The following CPXM2 variants were observed in gnomAD, a reference collection of about 807,000 sequenced individuals.
The protein encoded by CPXM2 is carboxypeptidase X, M14 family member 2.
CPXM2 carries 66 observed loss-of-function variants against 86.1 expected under a neutral mutation model. The observed-to-expected ratio is 0.77, with a 90% CI of 0.63 to 0.94. CPXM2 has a LOEUF of 0.94. Ranked by LOEUF, CPXM2 falls within the 40% of genes least tolerant of loss-of-function variation. The pLI, the probability that CPXM2 is intolerant of heterozygous loss-of-function variation, is 0.00. For synonymous variants in CPXM2, 388 were observed against 400.2 expected (o/e 0.97, Z 0.36); for missense variants, 948 against 1,026.3 (o/e 0.92, Z 1.04).
At chr10:123,751,614 C>T (rs1846078970) in intron 13 of CPXM2, 1 of 985,316 alleles carries the variant, frequency 1.0e-6, no homozygotes, top group Non-Finnish European at 1.2e-6. Context: ...GTCCAACATA[C>T]TGATATGCAT....
chr10:123,805,525 C>T (rs968943345), intron 4 of CPXM2, among the ~76,000 whole-genome samples: 3 of 151,724 alleles, frequency 2.0e-5, no homozygotes, highest in African/African-American at 7.3e-5. Flanking sequence ...TTTTTATTAC[C>T]GATTCCTAGT....
intron 3 of CPXM2, among the ~76,000 whole-genome samples, chr10:123,848,848 T>C (rs1300014421): frequency 2.0e-5 from 3 of 152,234 alleles, no homozygotes; most frequent in Admixed American, 6.5e-5. Context: ...GTTAGGTCAG[T>C]TGATCTATAA....
intron 4 of CPXM2, among the ~76,000 whole-genome samples, chr10:123,812,873 G>A (rs575799503): frequency 1.3e-4 from 20 of 151,858 alleles, no homozygotes; most frequent in African/African-American, 3.9e-4. Flanking sequence ...CCATGAAACC[G>A]GTCCCTGGTG....
At chr10:123,806,773 A>C (rs1847588216) in intron 4 of CPXM2, among the ~76,000 whole-genome samples, 1 of 152,126 alleles carries the variant, frequency 6.6e-6, no homozygotes, top group Non-Finnish European at 1.5e-5. Flanking sequence ...AGAAACTGCC[A>C]CTTATGAAAC....
At chr10:123,785,197 T>C (rs1389445348) in intron 6 of CPXM2, among the ~76,000 whole-genome samples, 2 of 152,222 alleles carry the variant, frequency 1.3e-5, no homozygotes, top group South Asian at 2.1e-4. Flanking sequence ...AATTCTTTAT[T>C]GAAGATGCCA....
At chr10:123,933,602 C>T (rs779672023) in intron 2 of CPXM2, among the ~76,000 whole-genome samples, 25 of 152,102 alleles carry the variant, frequency 1.6e-4, no homozygotes, top group Non-Finnish European at 2.8e-4. Flanking sequence ...CCTGTAATCC[C>T]AGCTACTTGG....
intron 2 of CPXM2, among the ~76,000 whole-genome samples, chr10:123,901,060 T>TA (rs1367814354): frequency 2.0e-5 from 3 of 152,234 alleles, no homozygotes; most frequent in African/African-American, 7.2e-5. Context: ...TGCAATGTAT[T>TA]AAAAGCATTT....
At chr10:123,812,078 G>C (rs1038313934) in intron 4 of CPXM2, among the ~76,000 whole-genome samples, 1 of 151,988 alleles carries the variant, frequency 6.6e-6, no homozygotes, top group African/African-American at 2.4e-5. Context: ...TATATCATGG[G>C]GACTGCTTTG....
chr10:123,780,860 G>A (rs1375246055), intron 6 of CPXM2, among the ~76,000 whole-genome samples: 1 of 152,152 alleles, frequency 6.6e-6, no homozygotes, highest in Non-Finnish European at 1.5e-5. Flanking sequence ...TCAGAACACA[G>A]CATCTACTGG....
At chr10:123,825,083 G>T (rs953367812) in intron 4 of CPXM2, among the ~76,000 whole-genome samples, 3 of 152,190 alleles carry the variant, frequency 2.0e-5, no homozygotes, top group Non-Finnish European at 4.4e-5. Flanking sequence ...GGAGGATTCT[G>T]AGGGGAAAAC....
At chr10:123,834,531 G>A (rs2134138617) in intron 4 of CPXM2, among the ~76,000 whole-genome samples, 1 of 152,336 alleles carries the variant, frequency 6.6e-6, no homozygotes, top group East Asian at 1.9e-4. Flanking sequence ...CAGAGGAAAT[G>A]GCAAAGTGCA....
At chr10:123,934,483 T>C (rs935461485) in intron 2 of CPXM2, among the ~76,000 whole-genome samples, 2 of 151,586 alleles carry the variant, frequency 1.3e-5, no homozygotes, top group African/African-American at 4.9e-5. Flanking sequence ...AATTTCCCTC[T>C]TTATAGGAAC....
chr10:123,848,321 A>T (rs1848538344), intron 3 of CPXM2, among the ~76,000 whole-genome samples: 1 of 152,232 alleles, frequency 6.6e-6, no homozygotes, highest in Non-Finnish European at 1.5e-5. Flanking sequence ...GCAAATTGGC[A>T]ATGCACCTTG....
chr10:123,883,677 T>A (rs1258169274), intron 1 of CPXM2, among the ~76,000 whole-genome samples: 1 of 152,162 alleles, frequency 6.6e-6, no homozygotes, highest in Non-Finnish European at 1.5e-5. Context: ...TGCACACCAT[T>A]TTATAGATGG....
chr10:123,892,437 C>T (rs531106119), upstream of CPXM2, among the ~76,000 whole-genome samples: 7 of 152,308 alleles, frequency 4.6e-5, no homozygotes, highest in East Asian at 1.4e-3. Flanking sequence ...CATCCAAGAG[C>T]AGGCTCTTGC....
Position 123,816,740 on chromosome 10 carries a change from C to T in CPXM2, c.654-17541G>A, listed in dbSNP as rs1460133982. Among the ~76,000 whole-genome samples the T allele has an allele frequency of 2.0e-5, 3 of 152,230 alleles. No homozygotes were observed. In the East Asian group the frequency reaches 5.8e-4, roughly 29 times the overall value. On this transcript the variant is annotated intron_variant, in intron 4 of 13. Coordinates refer to ENST00000241305, the MANE Select transcript of CPXM2 (RefSeq NM_198148.3). ...AGCAATTTGTCTTCAGCTGGCAAGG[C>T]CAGCAATATACCTTTACTGTCCTAC...
intron 1 of CPXM2, among the ~76,000 whole-genome samples, chr10:123,939,823 C>T (rs535069340): frequency 6.6e-6 from 1 of 152,316 alleles, no homozygotes; most frequent in South Asian, 2.1e-4. Context: ...CCAGATGTGC[C>T]TGATCAGGGC....
intron 3 of CPXM2, among the ~76,000 whole-genome samples, chr10:123,853,702 C>A (rs1283788652): frequency 6.6e-6 from 1 of 152,170 alleles, no homozygotes; most frequent in Non-Finnish European, 1.5e-5. Context: ...GTCAGGAGTT[C>A]GAGACCAGCC....
chr10:123,799,079 G>A, intron 5 of CPXM2, 36 bp downstream of exon 5: 1 of 1,611,512 alleles, frequency 6.2e-7, no homozygotes, highest in Non-Finnish European at 8.5e-7. Context: ...ACCCAGCCAG[G>A]AAGAAAGGCA....
Sources: allele counts gnomAD v4.1 joint callset (sites outside exome capture counted in the v4.1 genomes callset), GRCh38; gene constraint gnomAD v4.1.1; transcripts MANE v1.5; gene names NCBI Gene and HGNC (gene_info 2026-07-23, HGNC 2026-07-21).